The following AFF3 variants were observed in gnomAD, a reference collection of about 807,000 sequenced individuals.
The protein encoded by AFF3 is ALF transcription elongation factor 3.
Under a neutral mutation model 129.7 loss-of-function variants are expected in AFF3, and 32 were observed. That is an observed-to-expected ratio of 0.25 (90% CI 0.19 to 0.33). The LOEUF is 0.33. AFF3 is among the 10% of genes least tolerant of loss of function. The pLI is 1.00. For synonymous variants in AFF3, 644 were observed against 635.4 expected, an observed-to-expected ratio of 1.01 and a Z score of -0.20; for missense variants, 1,373 against 1,592.0, an observed-to-expected ratio of 0.86 and a Z score of 2.34.
At chr2:99,754,647 C>A (rs116353043) in intron 8 of AFF3, among the ~76,000 whole-genome samples, 100 of 152,302 alleles carry the variant, frequency 6.6e-4, no homozygotes, top group African/African-American at 1.9e-3. Flanking sequence ...CTTCCTAGAC[C>A]AACAGCTTCT....
chr2:100,031,242 T>C (rs116177376), intron 4 of AFF3, among the ~76,000 whole-genome samples: 2,301 of 152,230 alleles, frequency 0.015, 31 homozygotes, highest in Non-Finnish European at 0.019. Flanking sequence ...CATACTGGAA[T>C]TAAAGATGTA....
intron 7 of AFF3, among the ~76,000 whole-genome samples, chr2:99,860,297 T>C (rs1690877216): frequency 6.6e-6 from 1 of 151,892 alleles, no homozygotes. Flanking sequence ...CTCATGCCTG[T>C]AATCCCAGCA....
intron 8 of AFF3, among the ~76,000 whole-genome samples, chr2:99,785,401 C>T (rs978339501): frequency 3.9e-5 from 6 of 152,130 alleles, no homozygotes; most frequent in East Asian, 1.9e-4. Context: ...AGCGCTAGTT[C>T]GAAAATTATA....
At chr2:99,878,039 G>C (rs1319611124) in intron 7 of AFF3, among the ~76,000 whole-genome samples, 1 of 152,094 alleles carries the variant, frequency 6.6e-6, no homozygotes, top group African/African-American at 2.4e-5. Context: ...AGCTTACCTT[G>C]ATTAGTAATC....
chr2:99,918,527 G>A lies in AFF3; in HGVS notation c.874-81003C>T, dbSNP rs1362865992. 2.6e-5 allele frequency among the ~76,000 whole-genome samples: 4 copies of A among 152,278 alleles called. No individual in the cohort carries two copies. In the South Asian group the frequency reaches 6.2e-4, roughly 24 times the overall value. Reference sequence around the variant, plus strand: ...AAGGAGAATGTCTGTTCTCCCGACAGTGTTTGTAATACTAATTGCTCTAAC... The same window carrying A: ...AAGGAGAATGTCTGTTCTCCCGACAATGTTTGTAATACTAATTGCTCTAAC... On this transcript the variant is annotated intron_variant, in intron 7 of 24. Coordinates refer to ENST00000672756, the MANE Select transcript of AFF3 (RefSeq NM_001386135.1).
At chr2:99,883,341 C>CA (rs1233280916) in intron 7 of AFF3, among the ~76,000 whole-genome samples, 1 of 152,208 alleles carries the variant, frequency 6.6e-6, no homozygotes, top group African/African-American at 2.4e-5. Flanking sequence ...AAGGTTCTCA[C>CA]AGTCTGAATG....
intron 8 of AFF3, among the ~76,000 whole-genome samples, chr2:99,762,299 T>G (rs564753509): frequency 6.6e-6 from 1 of 152,016 alleles, no homozygotes; most frequent in Non-Finnish European, 1.5e-5. Flanking sequence ...AATTTTTGTA[T>G]TTTTTAGTAG....
At chr2:99,918,042 C>A (rs1209090431) in intron 7 of AFF3, among the ~76,000 whole-genome samples, 1 of 151,940 alleles carries the variant, frequency 6.6e-6, no homozygotes, top group Admixed American at 6.6e-5. Context: ...AAGAAAAAAC[C>A]TTGCTTTTTT....
intron 7 of AFF3, among the ~76,000 whole-genome samples, chr2:99,971,708 C>T (rs185021480): frequency 2.0e-5 from 3 of 152,124 alleles, no homozygotes; most frequent in Middle Eastern, 3.2e-3. Flanking sequence ...ATTTGAAGGG[C>T]ATTTTGGTTT....
chr2:99,668,498 C>G (rs190022521), intron 12 of AFF3, among the ~76,000 whole-genome samples: 11 of 151,458 alleles, frequency 7.3e-5, no homozygotes, highest in Non-Finnish European at 1.3e-4. Flanking sequence ...GTTTAAAAAT[C>G]TCCAGGCCCA....
intron 2 of AFF3, among the ~76,000 whole-genome samples, chr2:100,112,909 ATTCCATATAC>A (rs1433177143): frequency 6.6e-6 from 1 of 152,216 alleles, no homozygotes; most frequent in Non-Finnish European, 1.5e-5. Flanking sequence ...GCTTATTATA[ATTCCATATAC>A]TTGGCACAGA....
chr2:99,716,963 T>C (rs971464234), intron 11 of AFF3, among the ~76,000 whole-genome samples: 4 of 152,144 alleles, frequency 2.6e-5, no homozygotes, highest in African/African-American at 9.7e-5. Flanking sequence ...CCCTGTTGCC[T>C]TTTTCTTGAA....
At chr2:99,990,953 C>T (rs891343839) in intron 7 of AFF3, among the ~76,000 whole-genome samples, 3 of 152,064 alleles carry the variant, frequency 2.0e-5, no homozygotes, top group Non-Finnish European at 4.4e-5. Flanking sequence ...AGATGCTGAA[C>T]CACCATGGAC....
chr2:99,619,990 C>T lies in AFF3; in HGVS notation c.1185-18369G>A, dbSNP rs144207768. Among the ~76,000 whole-genome samples the T allele has an allele frequency of 2.9e-3, 446 of 152,298 alleles. 2 individuals are homozygous for T. The highest frequency in any genetic ancestry group is 9.5e-3 in the African/African-American group (396 of 41,546). On this transcript the variant is annotated intron_variant, in intron 13 of 24. Coordinates refer to ENST00000672756, the MANE Select transcript of AFF3 (RefSeq NM_001386135.1). ...GCCACTCAGAGTAGAGTGACCCAAA[C>T]GGGTTCTCTGTGAGGAAGTGATGGA...
intron 7 of AFF3, 23 bp downstream of exon 7, chr2:100,006,609 G>C (rs1681993466): frequency 6.3e-7 from 1 of 1,585,222 alleles, no homozygotes; most frequent in Non-Finnish European, 8.6e-7. Flanking sequence ...AGTTGCATGT[G>C]AACGGTGCTG....
chr2:99,918,318 T>C (rs1695620071), intron 7 of AFF3, among the ~76,000 whole-genome samples: 1 of 152,174 alleles, frequency 6.6e-6, no homozygotes, highest in Admixed American at 6.5e-5. Flanking sequence ...ACATTCTGGG[T>C]ATATCTTGGG....
At chr2:99,770,348 T>C (rs1683375131) in intron 8 of AFF3, among the ~76,000 whole-genome samples, 1 of 151,958 alleles carries the variant, frequency 6.6e-6, no homozygotes, top group African/African-American at 2.4e-5. Context: ...TCGTGGTGAG[T>C]GCTGCCTGGC....
chr2:99,962,076 C>T (rs997469759), intron 7 of AFF3, among the ~76,000 whole-genome samples: 3 of 152,070 alleles, frequency 2.0e-5, no homozygotes, highest in Admixed American at 6.5e-5. Flanking sequence ...AAGGGAATCC[C>T]ACCATGAAAA....
intron 8 of AFF3, among the ~76,000 whole-genome samples, chr2:99,823,404 T>C (rs1687834048): frequency 6.6e-6 from 1 of 152,118 alleles, no homozygotes; most frequent in South Asian, 2.1e-4. Flanking sequence ...TGTGCAGAAA[T>C]AAGTATTCTG....
Sources: gnomAD v4.1 joint callset for allele counts (sites outside exome capture counted in the v4.1 genomes callset) on GRCh38, gnomAD v4.1.1 for gene constraint, MANE v1.5 for transcripts, NCBI Gene and HGNC (gene_info 2026-07-23, HGNC 2026-07-21) for gene names.